LCTL: variants seen among roughly 807,000 people sequenced by gnomAD.
LCTL encodes the protein lactase-like protein.
Under a neutral mutation model 75.8 loss-of-function variants are expected in LCTL, and 76 were observed. The ratio of observed to expected loss-of-function variants is 1.00; its 90% CI spans 0.83 to 1.21. LCTL has a LOEUF of 1.21. Ranked by LOEUF, LCTL falls within the 50% of genes most tolerant of loss-of-function variation. The probability of loss-of-function intolerance (pLI) is 0.00; values close to 1 mark genes in which losing one functional copy is unlikely to be tolerated. For synonymous variants in LCTL, 271 were observed against 268.8 expected, an observed-to-expected ratio of 1.01 and a Z score of -0.08; for missense variants, 670 against 712.4, an observed-to-expected ratio of 0.94 and a Z score of 0.68.
chr15:66,559,360 A>G (rs1318829638), intron 6 of LCTL, among the ~76,000 whole-genome samples: 1 of 152,216 alleles, frequency 6.6e-6, no homozygotes, highest in African/African-American at 2.4e-5. Context: ...GCAATAACCA[A>G]GTGAATCATG....
chr15:66,556,264 G>A (rs1895736137), intron 8 of LCTL, among the ~76,000 whole-genome samples: 1 of 152,090 alleles, frequency 6.6e-6, no homozygotes. Flanking sequence ...TCTATTGATG[G>A]ATGAATGAAT....
At chr15:66,556,101 TA>T (rs1290475772) in intron 8 of LCTL, among the ~76,000 whole-genome samples, 1 of 151,454 alleles carries the variant, frequency 6.6e-6, no homozygotes, top group East Asian at 1.9e-4. Context: ...GATGCTTCCT[TA>T]AAAAAAAATT....
intron 10 of LCTL, 30 bp from the exon 12 acceptor site, chr15:66,551,891 A>G (rs1348324312): frequency 1.3e-6 from 2 of 1,557,854 alleles, no homozygotes; most frequent in South Asian, 2.3e-5. Context: ...CATTTTAAAT[A>G]TATTTCATTT....
chr15:66,559,515 G>A (rs550288430), intron 6 of LCTL, among the ~76,000 whole-genome samples: 1 of 152,316 alleles, frequency 6.6e-6, no homozygotes, highest in Non-Finnish European at 1.5e-5. Flanking sequence ...AGACCAGCCT[G>A]GCCAACATGG....
chr15:66,564,681 C>T lies in LCTL; in HGVS notation c.277G>A (p.Val93Ile), dbSNP rs778571677. 1.8e-5 allele frequency: 29 copies of T among 1,611,906 alleles called. No individual in the cohort carries two copies. Among genetic ancestry groups the T allele is most frequent in the Non-Finnish European group, 4.2e-6 (5 of 1,179,952 alleles). ...CACTCACACCCCGCACTCACCTGGA[C>T]CTTGTAGTAGCCGTCACAGGCTACA... The change falls in exon 2 of 13, where the codon GTC becomes ATC. Residue 93 changes from valine to isoleucine, a missense_variant. By Grantham distance (29) the Val-to-Ile change is conservative (BLOSUM62 3). Transcript: ENST00000341509.
exon 9 of LCTL, chr15:66,553,180 C>A (rs772172378): frequency 1.9e-6 from 3 of 1,610,684 alleles, no homozygotes; most frequent in South Asian, 2.2e-5. Flanking sequence ...ATCGGATGTG[C>A]CTTTAATGTA....
At chr15:66,549,443 A>G (rs1265059671) in intron 12 of LCTL, 1 of 152,238 alleles carries the variant, frequency 6.6e-6, no homozygotes, top group Non-Finnish European at 1.5e-5. Flanking sequence ...TATTTCTCTG[A>G]TTGCCCTTAT....
intron 6 of LCTL, among the ~76,000 whole-genome samples, chr15:66,559,820 C>T (rs576034933): frequency 2.0e-5 from 3 of 152,212 alleles, no homozygotes; most frequent in African/African-American, 4.8e-5. Flanking sequence ...GGCGCTATGG[C>T]GCATGCCTAC....
intron 7 of LCTL, 23 bp from the exon 9 acceptor site, chr15:66,557,906 G>C: frequency 6.2e-7 from 1 of 1,612,414 alleles, no homozygotes; most frequent in Non-Finnish European, 8.5e-7. Context: ...GAAAGAAAAG[G>C]GAGTGGGGAG....
At chr15:66,560,904 G>T in intron 6 of LCTL, 102 bp downstream of exon 7, 1 of 971,070 alleles carries the variant, frequency 1.0e-6, no homozygotes, top group Non-Finnish European at 1.6e-6. Flanking sequence ...GGAGTATGCT[G>T]ACTCGGAGGT....
chr15:66,553,282 T>C lies in LCTL; in HGVS notation c.923-24A>G. 2.0e-6 allele frequency: 3 copies of C among 1,510,814 alleles called. No individual in the cohort carries two copies. The South Asian group carries it at 4.2e-5, about 21-fold the overall frequency. The allele number at this position is 1,510,814 out of a possible 1,614,324, so 93.6% of individuals were successfully genotyped here. A position where few individuals can be genotyped will look rare whatever the true frequency, so the allele number is the denominator to read the frequency against. On this transcript the variant is annotated intron_variant, in intron 8 of 12. Coordinates refer to ENST00000341509, the Ensembl canonical transcript of LCTL. ...TCCTTTTGAGAGAGAAAAGTAGAAT[T>C]TAACAAAGCCTTATTTTCTCCCAAT...
chr15:66,563,426 G>C (rs1036005020), intron 4 of LCTL, 90 bp downstream of exon 5: 2 of 767,504 alleles, frequency 2.6e-6, no homozygotes, highest in Non-Finnish European at 4.5e-6. Flanking sequence ...CCTAGTCTCT[G>C]CTCCACCTTG....
chr15:66,552,934 A>G, intron 9 of LCTL, 50 bp downstream of exon 10: 1 of 1,406,564 alleles, frequency 7.1e-7, no homozygotes, highest in Non-Finnish European at 9.3e-7. Flanking sequence ...AGCTGTGAGA[A>G]CATGAATTCA....
At chr15:66,553,224 C>G in exon 9 of LCTL, 1 of 1,599,268 alleles carries the variant, frequency 6.3e-7, no homozygotes, top group Non-Finnish European at 8.5e-7. Flanking sequence ...CCGGTAACCT[C>G]GACATCTCCA....
At chr15:66,565,636 A>T (rs13380071), upstream of LCTL, 13,625 of 431,724 alleles carry the variant, frequency 0.032, 259 homozygotes, top group Non-Finnish European at 0.039. Context: ...CCCAGCCCAT[A>T]CCCCTGAGTG....
At position 66,549,658 on chromosome 15, in the gene LCTL, A is replaced by G. The variant is rs1235758482; in HGVS notation, c.1588+383T>C. 1.9e-5 allele frequency: 3 copies of G among 158,076 alleles called. No individual in the cohort carries two copies. The Admixed American group carries it at 1.9e-4, about 10-fold the overall frequency. The allele number at this position is 158,076 out of a possible 1,614,324, so 9.8% of individuals were successfully genotyped here. On this transcript the variant is annotated intron_variant, in intron 12 of 12. Transcript: ENST00000341509. ...TTCCCTGGCAAATAGTGAGTGCTTA[A>G]TAATTGCTTGCCGAATGAACAAATA... is the stretch of plus-strand genomic sequence containing the variant.
At position 66,553,263 on chromosome 15, in the gene LCTL, T is replaced by C. The variant is rs973714370; in HGVS notation, c.923-5A>G. On this transcript the variant is annotated splice_region_variant and splice_polypyrimidine_tract_variant and intron_variant, in intron 8 of 12. Coordinates refer to ENST00000341509, the Ensembl canonical transcript of LCTL. ...CTTGCTCTGCACTCTTTCTTCCTTT[T>C]GAGAGAGAAAAGTAGAATTTAACAA... is the stretch of plus-strand genomic sequence containing the variant. 2.0e-6 allele frequency: 3 copies of C among 1,534,364 alleles called. No homozygotes were observed. The African/African-American group carries it at 4.2e-5, about 21-fold the overall frequency.
chr15:66,556,210 T>G (rs191458992), intron 8 of LCTL, among the ~76,000 whole-genome samples: 4 of 152,352 alleles, frequency 2.6e-5, no homozygotes, highest in Non-Finnish European at 5.9e-5. Context: ...CACCCGTGTT[T>G]TTAGCATTAT....
intron 8 of LCTL, among the ~76,000 whole-genome samples, chr15:66,557,227 T>C (rs1895760533): frequency 1.3e-5 from 2 of 152,212 alleles, no homozygotes; most frequent in Non-Finnish European, 1.5e-5. Flanking sequence ...AAGTCATTTT[T>C]AGGTAGAATT....
Sources: gnomAD v4.1 joint callset for allele counts (sites outside exome capture counted in the v4.1 genomes callset) on GRCh38, gnomAD v4.1.1 for gene constraint, MANE v1.5 for transcripts, NCBI Gene and HGNC (gene_info 2026-07-23, HGNC 2026-07-21) for gene names.